CRPPA: variants seen among roughly 807,000 people sequenced by gnomAD.
CRPPA encodes the protein CDP-L-ribitol pyrophosphorylase A, also known as D-ribitol-5-phosphate cytidylyltransferase.
CRPPA carries 43 observed loss-of-function variants against 52.0 expected under a neutral mutation model. The ratio of observed to expected loss-of-function variants is 0.83; its 90% CI spans 0.65 to 1.07. The LOEUF (loss-of-function observed/expected upper bound fraction) is 1.07, where lower values mean the gene tolerates loss of function less well. Ranked by LOEUF, CRPPA falls within the 50% of genes least tolerant of loss-of-function variation. The pLI, the probability that CRPPA is intolerant of heterozygous loss-of-function variation, is 0.00. For synonymous variants in CRPPA, 250 were observed against 203.5 expected (o/e 1.23, Z -1.94); for missense variants, 629 against 551.7 (o/e 1.14, Z -1.40).
intron 2 of CRPPA, among the ~76,000 whole-genome samples, chr7:16,383,654 C>G (rs890513185): frequency 3.9e-5 from 6 of 152,330 alleles, no homozygotes; most frequent in African/African-American, 9.6e-5. Context: ...CCACCCAGTT[C>G]GAGCTTCCAG....
intron 6 of CRPPA, among the ~76,000 whole-genome samples, chr7:16,273,118 C>A: frequency 7.4e-6 from 1 of 135,902 alleles, no homozygotes; most frequent in African/African-American, 2.7e-5. Flanking sequence ...CTCCCCCCTC[C>A]CCCCATCAAA....
chr7:16,388,391 A>G (rs1787349986), intron 2 of CRPPA, among the ~76,000 whole-genome samples: 1 of 152,092 alleles, frequency 6.6e-6, no homozygotes, highest in Non-Finnish European at 1.5e-5. Flanking sequence ...TATGGGGTAC[A>G]GCTAAAGCAG....
chr7:16,270,882 T>G (rs1784074967), intron 6 of CRPPA, among the ~76,000 whole-genome samples: 2 of 152,136 alleles, frequency 1.3e-5, no homozygotes, highest in Admixed American at 1.3e-4. Context: ...CTCTCCGCTT[T>G]TCTTTATTGC....
chr7:16,314,790 G>A (rs1279553415), intron 3 of CRPPA, among the ~76,000 whole-genome samples: 1 of 152,054 alleles, frequency 6.6e-6, no homozygotes, highest in Non-Finnish European at 1.5e-5. Flanking sequence ...TGGGTAAGGT[G>A]TTTATCTTTT....
chr7:16,195,355 C>T (rs2128391751), intron 9 of CRPPA, among the ~76,000 whole-genome samples: 1 of 152,222 alleles, frequency 6.6e-6, no homozygotes, highest in African/African-American at 2.4e-5. Flanking sequence ...GACTCACTCT[C>T]TTAATACTTC....
intron 8 of CRPPA, among the ~76,000 whole-genome samples, chr7:16,254,178 G>A (rs1408939360): frequency 1.3e-5 from 2 of 152,206 alleles, no homozygotes; most frequent in South Asian, 4.2e-4. Context: ...AAGACAGTGT[G>A]GCAATTCCTC....
intron 2 of CRPPA, among the ~76,000 whole-genome samples, chr7:16,378,673 G>A (rs1396588725): frequency 4.0e-5 from 6 of 150,718 alleles, no homozygotes; most frequent in Non-Finnish European, 5.9e-5. Flanking sequence ...CTAGATCCCT[G>A]AGGAATCGCC....
intron 9 of CRPPA, among the ~76,000 whole-genome samples, chr7:16,193,306 G>A (rs1188417845): frequency 6.6e-6 from 1 of 151,830 alleles, no homozygotes; most frequent in African/African-American, 2.4e-5. Context: ...AAGTGAGATT[G>A]TTTACCTTTA....
In CRPPA at chr7:16,091,589, T is replaced by C; in HGVS notation, c.*106A>G. 3.1e-6 allele frequency: 2 copies of C among 640,900 alleles called. No individual in the cohort carries two copies. The highest frequency in any genetic ancestry group is 5.4e-6 in the Non-Finnish European group (2 of 367,444). 39.7% of individuals were successfully genotyped at this position (640,900 alleles called of 1,614,324 possible). On this transcript the variant is annotated 3_prime_UTR_variant, in exon 10 of 10. Transcript: ENST00000407010. ...CACATCCTACAAATTATAGAGAAGA[T>C]ATAAAAGACAACTGAAACATTCTAC...
chr7:16,092,574 G>A (rs973950723), intron 9 of CRPPA, among the ~76,000 whole-genome samples: 5 of 152,070 alleles, frequency 3.3e-5, no homozygotes, highest in Non-Finnish European at 5.9e-5. Flanking sequence ...CGATAATGCC[G>A]CTCAAACTGC....
At chr7:16,281,456 G>A (rs555773640) in intron 5 of CRPPA, among the ~76,000 whole-genome samples, 1 of 152,234 alleles carries the variant, frequency 6.6e-6, no homozygotes, top group African/African-American at 2.4e-5. Flanking sequence ...CAAACATGCT[G>A]ATGAGTGATA....
intron 7 of CRPPA, 26 bp downstream of exon 7, chr7:16,258,894 G>T: frequency 6.9e-7 from 1 of 1,441,440 alleles, no homozygotes; most frequent in Non-Finnish European, 9.7e-7. Context: ...ATCCTTAAGT[G>T]CCTTCAATCA....
intron 9 of CRPPA, among the ~76,000 whole-genome samples, chr7:16,105,754 G>T (rs528506349): frequency 1.3e-3 from 197 of 152,116 alleles, no homozygotes; most frequent in South Asian, 3.3e-3. Context: ...CCCAACCTCA[G>T]AGACCACCCC....
intron 9 of CRPPA, among the ~76,000 whole-genome samples, chr7:16,101,742 C>G (rs942120986): frequency 1.2e-4 from 19 of 152,040 alleles, no homozygotes; most frequent in African/African-American, 4.6e-4. Flanking sequence ...TAGAATACAA[C>G]TCAGAAGGGA....
At chr7:16,299,152 A>T (rs1441682096) in intron 5 of CRPPA, among the ~76,000 whole-genome samples, 1 of 152,184 alleles carries the variant, frequency 6.6e-6, no homozygotes, top group Non-Finnish European at 1.5e-5. Context: ...GTAAATATAC[A>T]GCTCTCATAG....
Position 16,258,988 on chromosome 7 carries a change from G to A in CRPPA, c.958C>T (p.Leu320=). 1.9e-6 allele frequency: 3 copies of A among 1,610,632 alleles called. No homozygotes were observed. The highest frequency in any genetic ancestry group is 1.3e-5 in the African/African-American group (1 of 74,876). The change falls in exon 7 of 10, where the codon CTG becomes TTG. Residue 320 remains leucine, a synonymous_variant. Coordinates refer to ENST00000407010, the MANE Select transcript of CRPPA (RefSeq NM_001101426.4). ...TGAAGATGTCTGCCAGCATGACCCA[G>A]AGCCTCAGATGTGACTTTTACATGC... is the stretch of plus-strand genomic sequence containing the variant. ...LNHVKVTSEA[L]GHAGRHLQQI... is the part of the protein sequence containing the mutation.
At chr7:16,251,202 T>C (rs1180267260) in intron 8 of CRPPA, among the ~76,000 whole-genome samples, 1 of 152,058 alleles carries the variant, frequency 6.6e-6, no homozygotes, top group Non-Finnish European at 1.5e-5. Flanking sequence ...ATACACCCAA[T>C]ACAGGAGCAC....
chr7:16,181,673 C>T (rs1781415067), intron 9 of CRPPA, among the ~76,000 whole-genome samples: 1 of 151,924 alleles, frequency 6.6e-6, no homozygotes, highest in Non-Finnish European at 1.5e-5. Flanking sequence ...GAGCACTTTT[C>T]TCAACTTAAA....
intron 9 of CRPPA, among the ~76,000 whole-genome samples, chr7:16,130,625 T>C (rs1782663312): frequency 6.6e-6 from 1 of 152,216 alleles, no homozygotes; most frequent in African/African-American, 2.4e-5. Context: ...ATGTTCTCTT[T>C]TCCTTTTGTA....
Sources: gnomAD v4.1 joint callset for allele counts (sites outside exome capture counted in the v4.1 genomes callset) on GRCh38, gnomAD v4.1.1 for gene constraint, MANE v1.5 for transcripts, NCBI Gene and HGNC (gene_info 2026-07-23, HGNC 2026-07-21) for gene names.